The following KAZN variants were observed in gnomAD, a reference collection of about 807,000 sequenced individuals.
KAZN encodes kazrin.
In KAZN, 40 loss-of-function variants were observed where a neutral mutation model predicts 87.4. The observed-to-expected ratio is 0.46, with a 90% CI of 0.36 to 0.60. The LOEUF is 0.60. Among genes scored for constraint, KAZN ranks in the 20% least tolerant of loss-of-function variants. The pLI is 0.00. For missense variants in KAZN, 898 were observed against 1,073.9 expected (o/e 0.84, Z 2.29); for synonymous variants, 466 against 458.3 (o/e 1.02, Z -0.22).
chr1:14,697,063 G>A (rs548435531), intron 1 of KAZN, among the ~76,000 whole-genome samples: 53 of 151,746 alleles, frequency 3.5e-4, no homozygotes, highest in African/African-American at 1.1e-3. Flanking sequence ...GGCTGAAAGC[G>A]GGAGGATTGC....
chr1:14,189,584 T>A (rs1301739639), intron 2 of KAZN, among the ~76,000 whole-genome samples: 1 of 152,136 alleles, frequency 6.6e-6, no homozygotes, highest in Non-Finnish European at 1.5e-5. Context: ...TGTCCTCAGC[T>A]GCAATGACTC....
At chr1:14,811,666 C>T (rs181290370) in intron 1 of KAZN, among the ~76,000 whole-genome samples, 168 of 152,230 alleles carry the variant, frequency 1.1e-3, no homozygotes, top group Non-Finnish European at 1.4e-3. Flanking sequence ...CTAAAGCACA[C>T]GTTGTTCTCA....
At chr1:15,102,180 G>A (rs1641095884) in intron 11 of KAZN, among the ~76,000 whole-genome samples, 1 of 152,070 alleles carries the variant, frequency 6.6e-6, no homozygotes, top group Non-Finnish European at 1.5e-5. Flanking sequence ...AATACCCAGA[G>A]AAGATATACC....
intron 1 of KAZN, among the ~76,000 whole-genome samples, chr1:14,069,046 C>T (rs985369736): frequency 3.3e-5 from 5 of 152,170 alleles, no homozygotes; most frequent in African/African-American, 9.7e-5. Context: ...ATGTGCCTGC[C>T]TGGGCCTCGC....
intron 2 of KAZN, among the ~76,000 whole-genome samples, chr1:14,457,670 A>C (rs1399414713): frequency 6.6e-6 from 1 of 152,158 alleles, no homozygotes; most frequent in Non-Finnish European, 1.5e-5. Context: ...GTTTTCAATG[A>C]ATTTATAGAT....
chr1:14,852,393 C>T (rs1439506951), intron 1 of KAZN, among the ~76,000 whole-genome samples: 2 of 152,312 alleles, frequency 1.3e-5, no homozygotes, highest in Middle Eastern at 3.4e-3. Context: ...GTCAGCCATG[C>T]GGCGATCAGA....
intron 2 of KAZN, among the ~76,000 whole-genome samples, chr1:14,966,433 T>G (rs1304689745): frequency 4.6e-5 from 7 of 152,186 alleles, no homozygotes; most frequent in Non-Finnish European, 1.0e-4. Flanking sequence ...GTCTGTCTAG[T>G]GTGATTGTTG....
At chr1:15,093,152 G>A (rs540211568) in intron 8 of KAZN, among the ~76,000 whole-genome samples, 3 of 152,090 alleles carry the variant, frequency 2.0e-5, no homozygotes, top group East Asian at 1.9e-4. Context: ...CAGTCAAAAG[G>A]TACCGCAGGT....
At chr1:14,454,234 GT>G (rs1357800558) in intron 2 of KAZN, among the ~76,000 whole-genome samples, 2 of 152,148 alleles carry the variant, frequency 1.3e-5, no homozygotes, top group African/African-American at 4.8e-5. Context: ...TTTGGGAGGT[GT>G]TTTTCTCCAA....
intron 2 of KAZN, among the ~76,000 whole-genome samples, chr1:14,514,484 A>AAATATATAAAAT (rs1257894755): frequency 0.014 from 1,086 of 80,014 alleles, 131 homozygotes; most frequent in African/African-American, 0.044. Context: ...ATTTTATATA[A>AAATATATAAAAT]ATATTTATAT....
intron 2 of KAZN, among the ~76,000 whole-genome samples, chr1:14,292,920 A>G (rs1227128665): frequency 6.6e-6 from 1 of 152,226 alleles, no homozygotes; most frequent in East Asian, 1.9e-4. Context: ...GGCCAGAGGA[A>G]TACCACAGGC....
chr1:14,251,132 G>A (rs12060647), intron 2 of KAZN, among the ~76,000 whole-genome samples: 4,718 of 152,152 alleles, frequency 0.031, 226 homozygotes, highest in African/African-American at 0.11. Flanking sequence ...CTAATTCTGG[G>A]GTCTTCCTCA....
At chr1:14,668,957 C>A (rs946422116) in intron 1 of KAZN, among the ~76,000 whole-genome samples, 3 of 152,186 alleles carry the variant, frequency 2.0e-5, no homozygotes, top group Admixed American at 6.5e-5. Flanking sequence ...CATGCAGAGA[C>A]CCCGGAGACC....
chr1:15,071,219 C>A (rs936572842), intron 8 of KAZN, among the ~76,000 whole-genome samples: 3 of 152,072 alleles, frequency 2.0e-5, no homozygotes, highest in Non-Finnish European at 4.4e-5. Flanking sequence ...TCTGGGATGG[C>A]AAATAGGATA....
intron 2 of KAZN, among the ~76,000 whole-genome samples, chr1:14,419,487 G>GT (rs1413360172): frequency 1.3e-5 from 2 of 152,198 alleles, no homozygotes; most frequent in African/African-American, 4.8e-5. Flanking sequence ...CTCTTCCCTG[G>GT]ACTTACCAGA....
intron 1 of KAZN, among the ~76,000 whole-genome samples, chr1:14,749,949 T>C (rs1644366308): frequency 6.6e-6 from 1 of 152,064 alleles, no homozygotes; most frequent in Non-Finnish European, 1.5e-5. Context: ...TTGTTTTTGG[T>C]TGGTGGTTAC....
At position 14,584,391 on chromosome 1, in the gene KAZN, A is replaced by G. The variant is rs115465407; in HGVS notation, c.250-14592A>G. Among the ~76,000 whole-genome samples, 1,233 of 152,302 alleles carry G rather than the reference A, an allele frequency of 8.1e-3. 21 individuals carry two copies. The highest frequency in any genetic ancestry group is 0.027 in the African/African-American group (1,138 of 41,574). On this transcript the variant is annotated intron_variant, in intron 2 of 16. Transcript: ENST00000636203. ...CTGGGTGGAGAAAGGCCAGTGGCAC[A>G]GGAGAGGATGAGAAACAAGGCCACT...
At chr1:15,040,144 T>G (rs910902546) in intron 3 of KAZN, among the ~76,000 whole-genome samples, 1 of 152,124 alleles carries the variant, frequency 6.6e-6, no homozygotes, top group Non-Finnish European at 1.5e-5. Context: ...AGGACACATG[T>G]TTAGAGCCAG....
At chr1:14,390,161 T>C (rs1662294505) in intron 2 of KAZN, among the ~76,000 whole-genome samples, 1 of 152,138 alleles carries the variant, frequency 6.6e-6, no homozygotes, top group Non-Finnish European at 1.5e-5. Context: ...TTATAGCAAA[T>C]TTTAATTGCG....
Sources: allele counts gnomAD v4.1 joint callset (sites outside exome capture counted in the v4.1 genomes callset), GRCh38; gene constraint gnomAD v4.1.1; transcripts MANE v1.5; gene names NCBI Gene and HGNC (gene_info 2026-07-23, HGNC 2026-07-21).